The following PCDHGB4 variants were observed in gnomAD, a reference collection of about 807,000 sequenced individuals.
The protein encoded by PCDHGB4 is protocadherin gamma subfamily B, 4, also known as protocadherin gamma-B4.
A neutral mutation model predicts 60.5 loss-of-function variants in PCDHGB4; 38 were observed. The observed-to-expected ratio is 0.63, with a 90% CI of 0.48 to 0.82. The LOEUF (loss-of-function observed/expected upper bound fraction) is 0.82, where lower values mean the gene tolerates loss of function less well. Among genes scored for constraint, PCDHGB4 ranks in the 40% least tolerant of loss-of-function variants. The pLI is 0.00. For synonymous variants in PCDHGB4, 456 were observed against 509.7 expected (o/e 0.89, Z 1.42); for missense variants, 1,109 against 1,209.6 (o/e 0.92, Z 1.23).
At chr5:141,408,716 A>G in intron 1 of PCDHGB4, 2 of 1,611,732 alleles carry the variant, frequency 1.2e-6, no homozygotes, top group East Asian at 2.2e-5. Context: ...AGATTATAAG[A>G]TAAACTCTAA....
At chr5:141,399,656 T>G in intron 1 of PCDHGB4, 1 of 1,613,694 alleles carries the variant, frequency 6.2e-7, no homozygotes, top group Non-Finnish European at 8.5e-7. Context: ...AGTGGGGTGG[T>G]GTTCGCGCAG....
rs774140980 is a variant in PCDHGB4, at chr5:141,420,167, T to G, written c.2397+29886T>G. On this transcript the variant is annotated intron_variant, in intron 1 of 3. Transcript: ENST00000519479. ...GAATCCAGAATTTAATTTTTTCACA[T>G]CTGTTGATCATTGTCCAGCCACACA... 3 of 1,614,082 alleles carry G rather than the reference T, an allele frequency of 1.9e-6. No homozygotes were observed. The South Asian group carries it at 3.3e-5, about 18-fold the overall frequency.
Position 141,476,247 on chromosome 5 carries a change from G to A in PCDHGB4, c.2398-18560G>A. The A allele has an allele frequency of 6.2e-7, 1 of 1,614,042 alleles. No individual in the cohort carries two copies. Among genetic ancestry groups the A allele is most frequent in the Non-Finnish European group, 8.5e-7 (1 of 1,180,010 alleles). Reference sequence around the variant, plus strand: ...GAGATCCCGGAGGAAAGAGAGAAGGGTTTCGCTGTGGGCAACGTGGTCGCG... The same window carrying A: ...GAGATCCCGGAGGAAAGAGAGAAGGATTTCGCTGTGGGCAACGTGGTCGCG... On this transcript the variant is annotated intron_variant, in intron 1 of 3. Transcript: ENST00000519479. This position sits in a 1 kb window ranked among gnomAD's most constrained non-coding sequence, Gnocchi z 7.6.
chr5:141,430,707 C>T, intron 1 of PCDHGB4: 2 of 1,478,562 alleles, frequency 1.4e-6, no homozygotes, highest in Non-Finnish European at 9.0e-7. Flanking sequence ...GGAACTGCTC[C>T]TGACTTCAGT....
At chr5:141,505,804 G>A (rs554534524) in intron 3 of PCDHGB4, among the ~76,000 whole-genome samples, 13 of 152,240 alleles carry the variant, frequency 8.5e-5, no homozygotes, top group Admixed American at 3.3e-4. Context: ...GACTTGGATC[G>A]ACTTGCTCAA....
chr5:141,435,733 T>C (rs950139563), intron 1 of PCDHGB4, among the ~76,000 whole-genome samples: 12 of 152,208 alleles, frequency 7.9e-5, no homozygotes, highest in African/African-American at 2.7e-4. Context: ...AGTGTATTAC[T>C]CTTTGAAAAG....
In PCDHGB4 at chr5:141,389,286, T is replaced by C; in HGVS notation, c.1402T>C (p.Ser468Pro). The C allele has an allele frequency of 6.2e-7, 1 of 1,614,018 alleles. No individual in the cohort carries two copies. The highest frequency in any genetic ancestry group is 8.5e-7 in the Non-Finnish European group (1 of 1,179,902). ...HVAENNPPGA[S>P]ISQVRASDPD... is the part of the protein sequence containing the mutation. Reference sequence around the variant, plus strand: ...GGCCGAGAACAACCCGCCTGGAGCCTCTATTTCACAAGTCAGGGCTTCTGA... The same window carrying C: ...GGCCGAGAACAACCCGCCTGGAGCCCCTATTTCACAAGTCAGGGCTTCTGA... Residue 468 changes from serine to proline, a missense_variant, in exon 1 of 4, where the codon TCT (serine) becomes CCT (proline). This residue lies in a region of PCDHGB4 where 1,068 missense variants were observed against 1,089.9 expected (regional missense o/e 0.98). Transcript: ENST00000519479.
rs760691972 is a variant in PCDHGB4 at position 141,389,194 on chromosome 5, C to A, written c.1310C>A (p.Thr437Asn). 15 of 1,613,922 alleles carry A rather than the reference C, an allele frequency of 9.3e-6. No homozygotes were observed. The highest frequency in any genetic ancestry group is 1.0e-5 in the Non-Finnish European group (12 of 1,179,898). The change falls in exon 1 of 4, where the codon ACC becomes AAC. Residue 437 changes from threonine (T) to asparagine (N), a missense_variant. By Grantham distance (65) the Thr-to-Asn change is moderately conservative. Transcript: ENST00000519479. ...KPPLSSSSSI[T>N]LHIGDVNDNA... ...CCCCTCTCCTCCAGTTCCAGCATCA[C>A]CCTGCACATTGGTGATGTAAATGAC...
At chr5:141,427,192 A>T (rs1191677237) in intron 1 of PCDHGB4, 1 of 456,566 alleles carries the variant, frequency 2.2e-6, no homozygotes. Context: ...AAATCCAAAG[A>T]CTTAATAGAC....
intron 1 of PCDHGB4, chr5:141,394,906 C>T (rs2150590922): frequency 6.2e-7 from 1 of 1,613,754 alleles, no homozygotes; most frequent in Admixed American, 1.7e-5. Flanking sequence ...GTGGCAGTGG[C>T]TGCCATCTCC....
At chr5:141,510,272 TAA>T (rs546154379) in intron 3 of PCDHGB4, among the ~76,000 whole-genome samples, 46 of 130,286 alleles carry the variant, frequency 3.5e-4, no homozygotes, top group South Asian at 5.0e-4. Context: ...GACTCCATCT[TAA>T]AAAAAAAAAA....
chr5:141,494,197 C>T (rs73794924), intron 1 of PCDHGB4, among the ~76,000 whole-genome samples: 1,654 of 152,242 alleles, frequency 0.011, 27 homozygotes, highest in African/African-American at 0.037. Flanking sequence ...CTTGGATGCC[C>T]CGCAAAGGCC....
chr5:141,470,738 C>T lies in PCDHGB4; in HGVS notation c.2398-24069C>T, dbSNP rs117476356. On this transcript the variant is annotated intron_variant, in intron 1 of 3. Transcript: ENST00000519479. ...TTTGAGTCAGGGTCTTGCTCTGTCG[C>T]CCTGGCTGGAGTGCAGTGGACTCAC... Among the ~76,000 whole-genome samples the T allele has an allele frequency of 1.9e-3, 295 of 152,226 alleles. 7 individuals carry two copies. In the East Asian group the frequency reaches 0.046, roughly 24 times the overall value.
chr5:141,484,512 G>A (rs1178383152), intron 1 of PCDHGB4, among the ~76,000 whole-genome samples: 47 of 152,196 alleles, frequency 3.1e-4, no homozygotes, highest in Non-Finnish European at 4.0e-4. Context: ...TTCTGCAGAA[G>A]GGCAGAGTTT....
At position 141,388,656 on chromosome 5, in the gene PCDHGB4, G is replaced by C. The variant is rs747453786; in HGVS notation, c.772G>C (p.Gly258Arg). The stretch of plus-strand genomic sequence containing the variant: ...GAGCCTTTCAGAAAACGTGTACCCG[G>C]GGACCACGGTGCTACAGGTGACTGC... ...RVSLSENVYP[G>R]TTVLQVTATD... The change falls in exon 1 of 4, where the codon GGG (glycine) becomes CGG (arginine). Residue 258 changes from glycine (G) to arginine (R), a missense_variant. Gly to Arg is a moderately radical substitution (Grantham distance 125). This residue lies in a region of PCDHGB4 where 1,068 missense variants were observed against 1,089.9 expected (regional missense o/e 0.98). Transcript: ENST00000519479. The C allele has an allele frequency of 2.5e-5, 40 of 1,613,886 alleles. No individual in the cohort carries two copies. Among genetic ancestry groups the C allele is most frequent in the Non-Finnish European group, 3.4e-5 (40 of 1,179,864 alleles).
In PCDHGB4 at chr5:141,432,704, C is replaced by T; in HGVS notation, c.2397+42423C>T. ...GAGCCTCGTAGTGGCCGTCCAGGAC[C>T]ACGGCCAGCCCCCTCTCTCCGCCAC... is the stretch of plus-strand genomic sequence containing the variant. On this transcript the variant is annotated intron_variant, in intron 1 of 3. Coordinates refer to ENST00000519479, the MANE Select transcript of PCDHGB4 (RefSeq NM_003736.4). The surrounding 1 kb of genome is among the most constrained non-coding windows in gnomAD (Gnocchi z 6.0). The T allele has an allele frequency of 6.2e-7, 1 of 1,613,966 alleles. No homozygotes were observed. The highest frequency in any genetic ancestry group is 8.5e-7 in the Non-Finnish European group (1 of 1,179,976).
At chr5:141,480,828 TAAGATC>T (rs1054950452) in intron 1 of PCDHGB4, among the ~76,000 whole-genome samples, 22 of 152,260 alleles carry the variant, frequency 1.4e-4, no homozygotes, top group African/African-American at 5.1e-4. Context: ...GGGTGGATCA[TAAGATC>T]AGGAGTTTGA....
chr5:141,470,969 A>T (rs62379203), intron 1 of PCDHGB4, among the ~76,000 whole-genome samples: 1 of 151,298 alleles, frequency 6.6e-6, no homozygotes, highest in Non-Finnish European at 1.5e-5. Flanking sequence ...CTCCCACCTC[A>T]GCCTCCCAAA....
At position 141,486,243 on chromosome 5, in the gene PCDHGB4, G is replaced by A. The variant is rs754924567; in HGVS notation, c.2398-8564G>A. 18 of 1,614,156 alleles carry A rather than the reference G, an allele frequency of 1.1e-5. No individual in the cohort carries two copies. The highest frequency in any genetic ancestry group is 1.4e-5 in the Non-Finnish European group (16 of 1,180,018). ...TACATCACAGTGACCTCAGAGCTTG[G>A]AACCCTCCCCGAGAGTGCAGAACCT... On this transcript the variant is annotated intron_variant, in intron 1 of 3. Coordinates refer to ENST00000519479, the MANE Select transcript of PCDHGB4 (RefSeq NM_003736.4). This position sits in a 1 kb window ranked among gnomAD's most constrained non-coding sequence, Gnocchi z 5.0.
Sources: allele counts gnomAD v4.1 joint callset (sites outside exome capture counted in the v4.1 genomes callset), GRCh38; gene constraint gnomAD v4.1.1; regional missense constraint gnomAD v4.1.1; non-coding constraint Gnocchi (gnomAD v3.1); transcripts MANE v1.5; gene names NCBI Gene and HGNC (gene_info 2026-07-23, HGNC 2026-07-21).